Variants in GAS2L3 observed in about 807,000 individuals in gnomAD.
GAS2L3 encodes growth arrest specific 2 like 3.
GAS2L3 carries 28 observed loss-of-function variants against 37.0 expected under a neutral mutation model. That is an observed-to-expected ratio of 0.76 (90% confidence interval 0.56 to 1.04). The LOEUF is 1.04. Ranked by LOEUF, GAS2L3 falls within the 50% of genes least tolerant of loss-of-function variation. GAS2L3 has a pLI of 0.00. For missense variants in GAS2L3, 793 were observed against 817.6 expected (o/e 0.97, Z 0.37); for synonymous variants, 290 against 296.6 (o/e 0.98, Z 0.23).
At chr12:100,622,611 T>G (rs1956269545) in intron 9 of GAS2L3, among the ~76,000 whole-genome samples, 3 of 151,508 alleles carry the variant, frequency 2.0e-5, no homozygotes, top group Admixed American at 6.6e-5. Context: ...TAGCTAAGAT[T>G]ATTTAGGCAG....
At chr12:100,576,781 T>C (rs1482932114) in intron 1 of GAS2L3, among the ~76,000 whole-genome samples, 1 of 152,208 alleles carries the variant, frequency 6.6e-6, no homozygotes, top group Non-Finnish European at 1.5e-5. Flanking sequence ...AAAGCCACCA[T>C]GTATTTCATA....
At chr12:100,623,478 C>T in intron 9 of GAS2L3, 84 bp from the exon 10 acceptor site, 1 of 1,224,986 alleles carries the variant, frequency 8.2e-7, no homozygotes, top group Non-Finnish European at 1.1e-6. Context: ...AGATCACAGA[C>T]ATCACATATT....
intron 5 of GAS2L3, among the ~76,000 whole-genome samples, chr12:100,605,198 C>G (rs969046970): frequency 6.6e-6 from 1 of 152,032 alleles, no homozygotes; most frequent in African/African-American, 2.4e-5. Flanking sequence ...TAGAATTCAG[C>G]AGTGAAGCCC....
intron 1 of GAS2L3, chr12:100,578,637 G>A (rs945491229): frequency 1.2e-4 from 31 of 255,270 alleles, no homozygotes; most frequent in African/African-American, 5.5e-4. Flanking sequence ...GTGTATTGGC[G>A]GCAGCCGTGG....
At position 100,623,702 on chromosome 12, in the gene GAS2L3, T is replaced by A. The variant is rs1956288449; in HGVS notation, c.897T>A (p.Val299=). The A allele has an allele frequency of 6.2e-7, 1 of 1,614,040 alleles. No homozygotes were observed. Among genetic ancestry groups the A allele is most frequent in the Non-Finnish European group, 8.5e-7 (1 of 1,179,974 alleles). The change falls in exon 10 of 10, where the codon GTT becomes GTA. Residue 299 remains valine (V), a synonymous_variant. Coordinates refer to ENST00000547754, the MANE Select transcript of GAS2L3 (RefSeq NM_174942.3). ...EQKILAFQKG[V]SNESVPDSPA... ...AAATTTTAGCATTTCAAAAAGGAGT[T>A]TCTAATGAAAGTGTACCTGATTCGC... is the stretch of plus-strand genomic sequence containing the variant.
In GAS2L3 at chr12:100,612,035, T is replaced by G. The variant is rs1448917996; in HGVS notation, c.339T>G (p.Asp113Glu). Reference sequence around the variant, plus strand: ...TGAGAAAAGTGCCCTGTAAGAAAGATGCTGCATCAGGTTCATTCTTTGCTC... The same window carrying G: ...TGAGAAAAGTGCCCTGTAAGAAAGAGGCTGCATCAGGTTCATTCTTTGCTC... Reference protein sequence around the residue: ...FPMRKVPCKKDAASGSFFARD... With the variant: ...FPMRKVPCKKEAASGSFFARD... Residue 113 changes from aspartate to glutamate, a missense_variant, in exon 6 of 10, where the codon GAT (aspartate) becomes GAG (glutamate). Transcript: ENST00000547754. The G allele has an allele frequency of 6.2e-7, 1 of 1,611,252 alleles. No homozygotes were observed. The highest frequency in any genetic ancestry group is 1.7e-4 in the Middle Eastern group (1 of 6,060).
chr12:100,579,133 A>G (rs999689889), intron 1 of GAS2L3: 2 of 696,660 alleles, frequency 2.9e-6, no homozygotes, highest in Non-Finnish European at 5.4e-6. Flanking sequence ...CACATAGTTC[A>G]TTTTCTGCCA....
chr12:100,578,399 A>G (rs895008180), intron 1 of GAS2L3, among the ~76,000 whole-genome samples: 1 of 152,230 alleles, frequency 6.6e-6, no homozygotes, highest in African/African-American at 2.4e-5. Flanking sequence ...GTACAAAGGC[A>G]GGACCATTTG....
intron 1 of GAS2L3, among the ~76,000 whole-genome samples, chr12:100,589,702 G>A (rs1161178016): frequency 3.9e-5 from 6 of 152,270 alleles, no homozygotes; most frequent in East Asian, 3.9e-4. Context: ...CACCAAAACA[G>A]CGTGGTACAG....
intron 3 of GAS2L3, among the ~76,000 whole-genome samples, chr12:100,599,901 T>C (rs1955963596): frequency 6.6e-6 from 1 of 152,194 alleles, no homozygotes; most frequent in Non-Finnish European, 1.5e-5. Context: ...TTCGGGGTTT[T>C]CTTACATTGA....
rs1004643799 is a variant in GAS2L3, at chr12:100,591,664, C to G, written c.-151-72C>G. 18 of 152,110 alleles carry G rather than the reference C, an allele frequency of 1.2e-4. 1 individual carries two copies. The East Asian group carries it at 3.5e-3, about 29-fold the overall frequency. 9.4% of individuals were successfully genotyped at this position (152,110 alleles called of 1,614,324 possible). A position where few individuals can be genotyped will look rare whatever the true frequency, so the allele number is the denominator to read the frequency against. On this transcript the variant is annotated intron_variant, in intron 1 of 9. Coordinates refer to ENST00000547754, the MANE Select transcript of GAS2L3 (RefSeq NM_174942.3). ...TTAAGTGCTAACTGTGTATCTGGTA[C>G]TTTATAGGTATCGTCTCATTTAATT... is the stretch of plus-strand genomic sequence containing the variant.
At chr12:100,578,422 A>G (rs1007004723) in intron 1 of GAS2L3, among the ~76,000 whole-genome samples, 3 of 152,228 alleles carry the variant, frequency 2.0e-5, no homozygotes, top group Admixed American at 2.0e-4. Flanking sequence ...GAGGAGGAGG[A>G]TGATAGTAAA....
intron 6 of GAS2L3, 86 bp downstream of exon 6, chr12:100,612,227 G>A (rs768055673): frequency 3.9e-6 from 4 of 1,038,324 alleles, no homozygotes; most frequent in Non-Finnish European, 5.9e-6. Context: ...TTCCAAATAA[G>A]GACTCAAATG....
chr12:100,584,891 T>G (rs1272211225), intron 1 of GAS2L3, among the ~76,000 whole-genome samples: 2 of 137,360 alleles, frequency 1.5e-5, no homozygotes, highest in Non-Finnish European at 3.1e-5. Context: ...TGGTTTTTTT[T>G]TTTTTTTTTT....
intron 2 of GAS2L3, chr12:100,593,812 G>A (rs1272606833): frequency 6.6e-6 from 1 of 152,130 alleles, no homozygotes; most frequent in Admixed American, 6.6e-5. Context: ...TTGTACTTTG[G>A]CCTTTTGCTG....
intron 1 of GAS2L3, among the ~76,000 whole-genome samples, chr12:100,591,155 G>T (rs534363636): frequency 6.6e-6 from 1 of 152,162 alleles, no homozygotes; most frequent in South Asian, 2.1e-4. Context: ...TTCTCAACTG[G>T]TATATTAACC....
intron 5 of GAS2L3, among the ~76,000 whole-genome samples, chr12:100,609,147 C>A (rs2136512471): frequency 6.6e-6 from 1 of 152,312 alleles, no homozygotes; most frequent in East Asian, 1.9e-4. Context: ...TTGCTTGGTG[C>A]TCTACTCTAC....
In GAS2L3 at chr12:100,611,993, T is replaced by C. The variant is rs746621188; in HGVS notation, c.304-7T>C. 11 of 1,583,380 alleles carry C rather than the reference T, an allele frequency of 6.9e-6. No individual in the cohort carries two copies. Among genetic ancestry groups the C allele is most frequent in the Non-Finnish European group, 8.6e-6 (10 of 1,156,712 alleles). ...CATTTTTGAAATTATTCTTTTGTCT[T>C]TTCCAGAATTTTCCAATGAGAAAAG... is the stretch of plus-strand genomic sequence containing the variant. On this transcript the variant is annotated splice_polypyrimidine_tract_variant and splice_region_variant and intron_variant, in intron 5 of 9. Coordinates refer to ENST00000547754, the MANE Select transcript of GAS2L3 (RefSeq NM_174942.3).
chr12:100,600,889 C>G (rs1955979991), intron 4 of GAS2L3, among the ~76,000 whole-genome samples: 2 of 152,032 alleles, frequency 1.3e-5, no homozygotes, highest in Non-Finnish European at 2.9e-5. Flanking sequence ...CCTCGACCCA[C>G]CTTAGTCTTG....
Sources: gnomAD v4.1 joint callset for allele counts (sites outside exome capture counted in the v4.1 genomes callset) on GRCh38, gnomAD v4.1.1 for gene constraint, MANE v1.5 for transcripts, NCBI Gene and HGNC (gene_info 2026-07-23, HGNC 2026-07-21) for gene names.